Variants in IGSF11 observed in about 807,000 individuals in gnomAD.
IGSF11 encodes immunoglobulin superfamily member 11, also known as CXADR like 1.
IGSF11 carries 22 observed loss-of-function variants against 41.0 expected under a neutral mutation model. The observed-to-expected ratio is 0.54, with a 90% CI of 0.38 to 0.77. IGSF11 has a LOEUF of 0.77. Among genes scored for constraint, IGSF11 ranks in the 30% least tolerant of loss-of-function variants. IGSF11 has a pLI of 0.00. For missense variants in IGSF11, 444 were observed against 530.8 expected (o/e 0.84, Z 1.61); for synonymous variants, 219 against 201.3 (o/e 1.09, Z -0.74).
At chr3:119,070,178 A>G (rs2076373936) in intron 1 of IGSF11, among the ~76,000 whole-genome samples, 1 of 152,198 alleles carries the variant, frequency 6.6e-6, no homozygotes, top group Non-Finnish European at 1.5e-5. Context: ...ACAGTAGATT[A>G]TGTAATTTTT....
At chr3:119,047,295 G>A (rs993504071) in intron 1 of IGSF11, among the ~76,000 whole-genome samples, 1 of 152,070 alleles carries the variant, frequency 6.6e-6, no homozygotes, top group African/African-American at 2.4e-5. Flanking sequence ...TAAAAGGATG[G>A]AGGAAGATCT....
intron 1 of IGSF11, among the ~76,000 whole-genome samples, chr3:119,068,094 C>T (rs1195509360): frequency 6.6e-6 from 1 of 152,196 alleles, no homozygotes; most frequent in African/African-American, 2.4e-5. Flanking sequence ...GTTCTCTCAG[C>T]TTTCCCTCAC....
At chr3:119,141,004 T>C (rs1454863879) in intron 1 of IGSF11, among the ~76,000 whole-genome samples, 4 of 143,914 alleles carry the variant, frequency 2.8e-5, no homozygotes, top group Non-Finnish European at 4.5e-5. Context: ...GACCATGCCA[T>C]TGCACTCCAG....
At chr3:119,001,258 C>T (rs1399128796) in intron 1 of IGSF11, among the ~76,000 whole-genome samples, 9 of 150,470 alleles carry the variant, frequency 6.0e-5, no homozygotes, top group Admixed American at 1.3e-4. Context: ...ATAGTACTTG[C>T]CGTCCTCTAA....
At chr3:118,929,871 T>C (rs573848849) in intron 2 of IGSF11, among the ~76,000 whole-genome samples, 2 of 152,300 alleles carry the variant, frequency 1.3e-5, no homozygotes, top group African/African-American at 4.8e-5. Context: ...GTTGATAAAA[T>C]TACAGGTTCC....
At chr3:118,989,907 A>T (rs1365966626) in intron 1 of IGSF11, among the ~76,000 whole-genome samples, 1 of 152,200 alleles carries the variant, frequency 6.6e-6, no homozygotes, top group Non-Finnish European at 1.5e-5. Context: ...TCTAAAGGGG[A>T]GATAACTTTT....
chr3:119,059,607 G>C (rs566113737), intron 1 of IGSF11, among the ~76,000 whole-genome samples: 78 of 152,200 alleles, frequency 5.1e-4, no homozygotes, highest in African/African-American at 1.8e-3. Context: ...AACTAGAAGG[G>C]AAAGGGTATT....
At chr3:118,985,384 A>G (rs970468378) in intron 1 of IGSF11, among the ~76,000 whole-genome samples, 1 of 152,184 alleles carries the variant, frequency 6.6e-6, no homozygotes, top group Non-Finnish European at 1.5e-5. Context: ...TCTCTGTCAC[A>G]ATGCAAAGAC....
intron 1 of IGSF11, among the ~76,000 whole-genome samples, chr3:118,964,625 T>C (rs936028363): frequency 2.6e-5 from 4 of 152,142 alleles, no homozygotes; most frequent in Non-Finnish European, 4.4e-5. Context: ...TATGGAGTAT[T>C]TTCACAGGTA....
chr3:119,109,885 T>G (rs2077114692), upstream of IGSF11, among the ~76,000 whole-genome samples: 1 of 152,210 alleles, frequency 6.6e-6, no homozygotes, highest in Non-Finnish European at 1.5e-5. Context: ...TCAGTTTCCA[T>G]GTAGTTGAGC....
intron 1 of IGSF11, among the ~76,000 whole-genome samples, chr3:119,094,223 T>TTAAAAAAA (rs1491294473): frequency 8.6e-5 from 3 of 35,066 alleles, no homozygotes; most frequent in Non-Finnish European, 1.7e-4. Flanking sequence ...CATAGCGAAG[T>TTAAAAAAA]AAAAAAAAAA....
At chr3:119,052,104 A>G (rs1232958434) in intron 1 of IGSF11, among the ~76,000 whole-genome samples, 2 of 152,090 alleles carry the variant, frequency 1.3e-5, no homozygotes, top group Non-Finnish European at 2.9e-5. Context: ...CCAAACCCAG[A>G]AGAAGAAAAG....
intron 1 of IGSF11, among the ~76,000 whole-genome samples, chr3:119,078,185 C>A (rs568277864): frequency 1.3e-5 from 2 of 151,930 alleles, no homozygotes; most frequent in Non-Finnish European, 2.9e-5. Flanking sequence ...CATATGGAAC[C>A]AAAAAAGAGA....
rs1348913214 is a variant in IGSF11, at chr3:118,901,460, TA to T, written c.*1059del. The T allele has an allele frequency of 6.6e-6, 1 of 152,144 alleles. No individual in the cohort carries two copies. Among genetic ancestry groups the T allele is most frequent in the Non-Finnish European group, 1.5e-5 (1 of 68,002 alleles). 9.4% of individuals were successfully genotyped at this position (152,144 alleles called of 1,614,324 possible). A position where few individuals can be genotyped will look rare whatever the true frequency, so the allele number is the denominator to read the frequency against. On this transcript the variant is annotated 3_prime_UTR_variant, in exon 7 of 7. Transcript: ENST00000393775. ...AAAAACGTCTGCCCTCCCTGACAAG[TA>T]AGTTAACTTCTACTTGTCAAATAAG...
chr3:119,075,314 T>C (rs2076474803), intron 1 of IGSF11, among the ~76,000 whole-genome samples: 1 of 151,930 alleles, frequency 6.6e-6, no homozygotes, highest in African/African-American at 2.4e-5. Flanking sequence ...AATAATTAGT[T>C]CTAAAATTAA....
chr3:119,001,397 G>A (rs1576602629), intron 1 of IGSF11, among the ~76,000 whole-genome samples: 1 of 151,184 alleles, frequency 6.6e-6, no homozygotes, highest in Non-Finnish European at 1.5e-5. Flanking sequence ...ACAGAACCTG[G>A]CACGCAGTGG....
chr3:118,967,912 A>G (rs1945794643), intron 1 of IGSF11, among the ~76,000 whole-genome samples: 1 of 152,102 alleles, frequency 6.6e-6, no homozygotes, highest in African/African-American at 2.4e-5. Context: ...TATTCTCACA[A>G]TAAGGACACA....
chr3:118,923,259 G>C (rs2110368), intron 4 of IGSF11, among the ~76,000 whole-genome samples: 33,238 of 152,058 alleles, frequency 0.22, 4,441 homozygotes, highest in African/African-American at 0.36. Flanking sequence ...CCAGACTCGG[G>C]CAAGTAACCA....
In IGSF11 at chr3:119,093,493, A is replaced by C. The variant is rs897432514; in HGVS notation, c.49+11651T>G. 3.9e-5 allele frequency among the ~76,000 whole-genome samples: 6 copies of C among 152,208 alleles called. No homozygotes were observed. In the East Asian group the frequency reaches 1.2e-3, roughly 29 times the overall value. The stretch of plus-strand genomic sequence containing the variant: ...TTTATGTCAGTAAATGCCTGTACCC[A>C]GCCACATTTTAGGACGACAAATCTT... On this transcript the variant is annotated intron_variant, in intron 1 of 6. Coordinates refer to the IGSF11 transcript ENST00000354673.
Sources: allele counts gnomAD v4.1 joint callset (sites outside exome capture counted in the v4.1 genomes callset), GRCh38; gene constraint gnomAD v4.1.1; transcripts MANE v1.5; gene names NCBI Gene and HGNC (gene_info 2026-07-23, HGNC 2026-07-21).